MICU1: variants seen among roughly 807,000 people sequenced by gnomAD.
The protein encoded by MICU1 is calcium uptake protein 1, mitochondrial.
In MICU1, 45 loss-of-function variants were observed where a neutral mutation model predicts 56.8. That is an observed-to-expected ratio of 0.79 (90% confidence interval 0.62 to 1.02). MICU1 has a LOEUF of 1.02. Among genes scored for constraint, MICU1 ranks in the 50% least tolerant of loss-of-function variants. The pLI is 0.00. For missense variants in MICU1, 504 were observed against 587.1 expected (o/e 0.86, Z 1.46); for synonymous variants, 186 against 195.1 (o/e 0.95, Z 0.39).
intron 6 of MICU1, chr10:72,501,932 T>C (rs898990129): frequency 6.6e-6 from 1 of 152,190 alleles, no homozygotes; most frequent in Non-Finnish European, 1.5e-5. Context: ...ACATGCTTTC[T>C]TTAGAAAAAC....
At chr10:72,575,804 C>T (rs1479090920) in intron 1 of MICU1, among the ~76,000 whole-genome samples, 1 of 152,152 alleles carries the variant, frequency 6.6e-6, no homozygotes, top group Non-Finnish European at 1.5e-5. Flanking sequence ...CAAGCCTTCC[C>T]ATTCCCTGAG....
At chr10:72,605,610 G>T (rs531964476) in intron 1 of MICU1, among the ~76,000 whole-genome samples, 1 of 152,292 alleles carries the variant, frequency 6.6e-6, no homozygotes, top group South Asian at 2.1e-4. Context: ...ATAATAGAAT[G>T]CTGCTGATGG....
At chr10:72,431,928 C>A (rs1864546278) in intron 8 of MICU1, among the ~76,000 whole-genome samples, 2 of 152,042 alleles carry the variant, frequency 1.3e-5, no homozygotes, top group South Asian at 4.1e-4. Flanking sequence ...ATTAGTATTT[C>A]TTTGATTACT....
At chr10:72,561,684 T>C (rs1840299705) in intron 3 of MICU1, among the ~76,000 whole-genome samples, 2 of 152,102 alleles carry the variant, frequency 1.3e-5, no homozygotes, top group Non-Finnish European at 2.9e-5. Flanking sequence ...TGGTGGTGCA[T>C]GCCTGTAATC....
At chr10:72,503,122 T>A (rs1464077254) in intron 6 of MICU1, among the ~76,000 whole-genome samples, 1 of 152,158 alleles carries the variant, frequency 6.6e-6, no homozygotes, top group Non-Finnish European at 1.5e-5. Flanking sequence ...ATTTCCTCAT[T>A]TGTAAAATGA....
At chr10:72,625,928 C>T (rs1842217541) in intron 1 of MICU1, 82 bp downstream of exon 1, 1 of 153,034 alleles carries the variant, frequency 6.5e-6, no homozygotes. Context: ...GCCCAGTTCC[C>T]TAAGGCTGTC....
chr10:72,527,983 A>G (rs1972252), intron 5 of MICU1, among the ~76,000 whole-genome samples: 89,591 of 151,936 alleles, frequency 0.59, 27,663 homozygotes, highest in Non-Finnish European at 0.67. Context: ...GCACCACCAT[A>G]CCCAGCTAAT....
chr10:72,436,248 C>T (rs559328635), intron 8 of MICU1, among the ~76,000 whole-genome samples: 22 of 152,294 alleles, frequency 1.4e-4, no homozygotes, highest in African/African-American at 4.3e-4. Context: ...CTGCAGCCTC[C>T]ACTGGTGATA....
At chr10:72,485,425 G>A (rs1866436602) in intron 6 of MICU1, among the ~76,000 whole-genome samples, 2 of 151,680 alleles carry the variant, frequency 1.3e-5, no homozygotes, top group African/African-American at 4.8e-5. Flanking sequence ...TGACATTTAT[G>A]ACATGCTTAT....
At chr10:72,442,903 C>T (rs73279050) in intron 8 of MICU1, among the ~76,000 whole-genome samples, 10,035 of 152,084 alleles carry the variant, frequency 0.066, 1,135 homozygotes, top group African/African-American at 0.23. Flanking sequence ...ACTACAGGCA[C>T]GGGCTATCAT....
chr10:72,572,883 TG>T (rs1484080071), intron 1 of MICU1, among the ~76,000 whole-genome samples: 2 of 152,184 alleles, frequency 1.3e-5, no homozygotes, highest in African/African-American at 4.8e-5. Flanking sequence ...GTGGGCAATT[TG>T]GTAATTTGCA....
At chr10:72,525,555 A>T (rs1867937938) in intron 5 of MICU1, among the ~76,000 whole-genome samples, 1 of 152,212 alleles carries the variant, frequency 6.6e-6, no homozygotes, top group Middle Eastern at 3.2e-3. Context: ...CTAGTTGCTC[A>T]TTACAGAGAT....
At chr10:72,392,512 G>A (rs547794749) in intron 10 of MICU1, among the ~76,000 whole-genome samples, 3 of 152,136 alleles carry the variant, frequency 2.0e-5, no homozygotes, top group Non-Finnish European at 2.9e-5. Flanking sequence ...CAGAGGTTGC[G>A]GTGAGCCAAG....
intron 1 of MICU1, among the ~76,000 whole-genome samples, chr10:72,593,774 A>G (rs1057095835): frequency 2.0e-5 from 3 of 152,230 alleles, no homozygotes; most frequent in Admixed American, 2.0e-4. Context: ...TTCCGTTTAC[A>G]ATGGCACCAA....
At chr10:72,429,630 A>G (rs1864462080) in intron 8 of MICU1, among the ~76,000 whole-genome samples, 4 of 152,136 alleles carry the variant, frequency 2.6e-5, no homozygotes, top group Non-Finnish European at 5.9e-5. Flanking sequence ...GAACACAGAC[A>G]AAACACCAGA....
chr10:72,415,656 C>G (rs574491237), intron 9 of MICU1, among the ~76,000 whole-genome samples: 1 of 152,306 alleles, frequency 6.6e-6, no homozygotes, highest in African/African-American at 2.4e-5. Flanking sequence ...AACCTCCAAA[C>G]TTTTTAGCCT....
intron 4 of MICU1, among the ~76,000 whole-genome samples, chr10:72,548,195 T>C (rs1339395502): frequency 1.3e-5 from 2 of 152,154 alleles, no homozygotes; most frequent in African/African-American, 4.8e-5. Flanking sequence ...AACTAACTGC[T>C]GCAGCAGCAA....
rs147213282 is a variant in MICU1, at chr10:72,413,559, C to T, written c.1072-5522G>A. Among the ~76,000 whole-genome samples, 1,093 of 152,078 alleles carry T rather than the reference C, an allele frequency of 7.2e-3. 19 individuals are homozygous for T. The highest frequency in any genetic ancestry group is 0.025 in the African/African-American group (1,054 of 41,498). ...ACCAGCCTGACCAATATGGTGAAAA[C>T]CCATCTTTACTAAAAGTACAAAAAT... On this transcript the variant is annotated intron_variant, in intron 9 of 11. Transcript: ENST00000361114.
chr10:72,513,906 G>A (rs1281573745), intron 5 of MICU1, among the ~76,000 whole-genome samples: 1 of 151,902 alleles, frequency 6.6e-6, no homozygotes, highest in Non-Finnish European at 1.5e-5. Context: ...CTGTGTTTAT[G>A]CCAGTACCAC....
Sources: gnomAD v4.1 joint callset for allele counts (sites outside exome capture counted in the v4.1 genomes callset) on GRCh38, gnomAD v4.1.1 for gene constraint, MANE v1.5 for transcripts, NCBI Gene and HGNC (gene_info 2026-07-23, HGNC 2026-07-21) for gene names.